AGL: variants seen among roughly 807,000 people sequenced by gnomAD.
The protein encoded by AGL is amylo-alpha-1,6-glucosidase and 4-alpha-glucanotransferase.
AGL carries 128 observed loss-of-function variants against 199.3 expected under a neutral mutation model. The ratio of observed to expected loss-of-function variants is 0.64; its 90% CI spans 0.56 to 0.74. AGL has a LOEUF of 0.74. AGL is among the 30% of genes least tolerant of loss of function. The probability of loss-of-function intolerance (pLI) is 0.00; values close to 1 mark genes in which losing one functional copy is unlikely to be tolerated. For missense variants in AGL, 1,809 were observed against 1,820.8 expected (o/e 0.99, Z 0.12); for synonymous variants, 584 against 594.7 (o/e 0.98, Z 0.26).
rs186966939 is a variant in AGL, at chr1:99,881,294, T to C, written c.2004T>C (p.Ile668=). The change falls in exon 16 of 34, where the codon ATT becomes ATC. Residue 668 remains isoleucine, a splice_region_variant and synonymous_variant. Coordinates refer to ENST00000361915, the MANE Select transcript of AGL (RefSeq NM_000642.3). ...TGCTAAATTTTACCTTTGTCCAGAT[T>C]TCAGTGGTTTCTGAAGAACGGTTTT... ...RGYDELVPHQ[I]SVVSEERFYT... 1 of 1,614,104 alleles carries C rather than the reference T, an allele frequency of 6.2e-7. No individual in the cohort carries two copies. The highest frequency in any genetic ancestry group is 8.5e-7 in the Non-Finnish European group (1 of 1,179,992).
chr1:99,895,902 G>A lies in AGL; in HGVS notation c.3260-384G>A, dbSNP rs1394585943. 2.0e-5 allele frequency among the ~76,000 whole-genome samples: 3 copies of A among 152,316 alleles called. No individual in the cohort carries two copies. The East Asian group carries it at 5.8e-4, about 29-fold the overall frequency. On this transcript the variant is annotated intron_variant, in intron 24 of 33. Transcript: ENST00000361915. ...GAGGTGGGAGGATGGCTTGAGCCTGGGAGGTGGAGGTTACAGTGACGCAAG... is the reference window on the plus strand; with the variant it reads ...GAGGTGGGAGGATGGCTTGAGCCTGAGAGGTGGAGGTTACAGTGACGCAAG...
At chr1:99,912,255 A>G in intron 28 of AGL, 150 bp from the exon 29 acceptor site, 2 of 590,668 alleles carry the variant, frequency 3.4e-6, no homozygotes, top group South Asian at 2.8e-5. Flanking sequence ...AAATCTTTAC[A>G]TGATATAGTA....
intron 2 of AGL, among the ~76,000 whole-genome samples, chr1:99,855,217 GAA>G (rs1365127659): frequency 2.6e-5 from 4 of 151,726 alleles, no homozygotes; most frequent in Non-Finnish European, 4.4e-5. Context: ...AAAGAAAAAA[GAA>G]AAAGAGAGGA....
At chr1:99,895,170 A>G (rs1289187088) in intron 24 of AGL, among the ~76,000 whole-genome samples, 1 of 151,876 alleles carries the variant, frequency 6.6e-6, no homozygotes, top group Non-Finnish European at 1.5e-5. Flanking sequence ...TGCCTCAGCC[A>G]CCCAAGCAGC....
rs1364651777 is a variant in AGL at position 99,923,516 on chromosome 1, A to C, written c.*1865A>C. ...GTAAGGCAGATACCCACGTTGGTAA[A>C]TTTTTAGGATATTGTGTTGCACTAG... On this transcript the variant is annotated 3_prime_UTR_variant, in exon 34 of 34. Coordinates refer to ENST00000361915, the MANE Select transcript of AGL (RefSeq NM_000642.3). 6.6e-6 allele frequency: 1 copy of C among 152,140 alleles called. No homozygotes were observed. Among genetic ancestry groups the C allele is most frequent in the Non-Finnish European group, 1.5e-5 (1 of 68,020 alleles). 9.4% of individuals were successfully genotyped at this position (152,140 alleles called of 1,614,324 possible).
chr1:99,871,591 A>G (rs1202066699), intron 7 of AGL, among the ~76,000 whole-genome samples: 1 of 152,182 alleles, frequency 6.6e-6, no homozygotes, highest in Non-Finnish European at 1.5e-5. Context: ...AAACAGAACT[A>G]GAGTAGGACT....
At chr1:99,917,292 AT>A (rs1655195970) in intron 33 of AGL, among the ~76,000 whole-genome samples, 1 of 152,144 alleles carries the variant, frequency 6.6e-6, no homozygotes, top group Admixed American at 6.5e-5. Context: ...TCTATATTCT[AT>A]TCCTCAGATA....
At chr1:99,873,582 G>A (rs555530123) in intron 7 of AGL, among the ~76,000 whole-genome samples, 8 of 152,098 alleles carry the variant, frequency 5.3e-5, no homozygotes, top group Non-Finnish European at 1.2e-4. Context: ...TTACAGGCAT[G>A]TGCCACCACA....
Position 99,877,732 on chromosome 1 carries a change from C to G in AGL, c.1515C>G (p.Leu505=). The change falls in exon 12 of 34, where the codon CTC becomes CTG. Residue 505 remains leucine (L), a synonymous_variant. Transcript: ENST00000361915. ...YGNKPEDCPY[L]WAHMKKYTEI... The stretch of plus-strand genomic sequence containing the variant: ...ATAAACCAGAGGACTGTCCTTATCT[C>G]TGGGCACACATGAAAAAATACACTG... 1.9e-6 allele frequency: 3 copies of G among 1,614,048 alleles called. No homozygotes were observed. Among genetic ancestry groups the G allele is most frequent in the Non-Finnish European group, 2.5e-6 (3 of 1,179,952 alleles).
At chr1:99,902,005 A>G (rs1464346878) in intron 26 of AGL, among the ~76,000 whole-genome samples, 2 of 152,120 alleles carry the variant, frequency 1.3e-5, no homozygotes, top group Admixed American at 6.5e-5. Flanking sequence ...CAGCATTATA[A>G]TTTTTATAAT....
chr1:99,853,900 A>T (rs913277667), intron 2 of AGL, among the ~76,000 whole-genome samples: 6 of 148,416 alleles, frequency 4.0e-5, no homozygotes, highest in Non-Finnish European at 9.0e-5. Flanking sequence ...TAAAAAACAA[A>T]AATAAAGGGC....
chr1:99,916,617 G>A lies in AGL; in HGVS notation c.4367G>A (p.Gly1456Glu), dbSNP rs1164317039. The change falls in exon 33 of 34, where the codon GGG (glycine) becomes GAG (glutamate). Residue 1456 changes from glycine (G) to glutamate (E), a missense_variant. Coordinates refer to ENST00000361915, the MANE Select transcript of AGL (RefSeq NM_000642.3). ...TTTTAGGAGTGGCTGTGGCCTATTG[G>A]GTATTTTCTTCGTGCAAAATTATAT... ...HQGPEWLWPIGYFLRAKLYFS... is the reference protein window; with the variant it reads ...HQGPEWLWPIEYFLRAKLYFS... 5 of 1,612,934 alleles carry A rather than the reference G, an allele frequency of 3.1e-6. No individual in the cohort carries two copies. The highest frequency in any genetic ancestry group is 4.2e-6 in the Non-Finnish European group (5 of 1,179,544).
At chr1:99,899,613 C>CTTTCTTTCT (rs1243657960) in intron 25 of AGL, among the ~76,000 whole-genome samples, 16 of 128,272 alleles carry the variant, frequency 1.2e-4, no homozygotes, top group Non-Finnish European at 2.1e-4. Flanking sequence ...TTCTTTCCTT[C>CTTTCTTTCT]TTTCTTTCTT....
At position 99,916,477 on chromosome 1, in the gene AGL, T is replaced by C. The variant is rs760127227; in HGVS notation, c.4327T>C (p.Phe1443Leu). 1 of 1,612,200 alleles carries C rather than the reference T, an allele frequency of 6.2e-7. No individual in the cohort carries two copies. The highest frequency in any genetic ancestry group is 2.2e-5 in the East Asian group (1 of 44,762). ...DNDNYNLAKG[F>L]NYHQGPEWLW... ...TGACAACTACAATCTTGCTAAAGGT[T>C]TCAATTATCACCAAGGACCTGTAAG... Residue 1443 changes from phenylalanine (F) to leucine (L), a missense_variant, in exon 32 of 34, where the codon TTC becomes CTC. By Grantham distance (22) the Phe-to-Leu change is conservative. Coordinates refer to ENST00000361915, the MANE Select transcript of AGL (RefSeq NM_000642.3).
intron 28 of AGL, among the ~76,000 whole-genome samples, chr1:99,911,666 T>G (rs1227322156): frequency 1.3e-5 from 2 of 152,146 alleles, no homozygotes; most frequent in Non-Finnish European, 2.9e-5. Context: ...TGATCTCAAA[T>G]TTTTGGCCTT....
chr1:99,921,628 C>T lies in AGL; in HGVS notation c.4576C>T (p.Leu1526Phe), dbSNP rs1202536791. The change falls in exon 34 of 34, where the codon CTT (leucine) becomes TTT (phenylalanine). Residue 1526 changes from leucine to phenylalanine, a missense_variant. Transcript: ENST00000361915. ...ACAAGCCTGGTCAATTGCTACTATT[C>T]TTGAGACACTTTATGATTTATAGTT... ...ETQAWSIATI[L>F]ETLYDL 1.2e-6 allele frequency: 2 copies of T among 1,608,724 alleles called. No individual in the cohort carries two copies. Among genetic ancestry groups the T allele is most frequent in the African/African-American group, 2.7e-5 (2 of 74,882 alleles).
intron 27 of AGL, among the ~76,000 whole-genome samples, chr1:99,908,286 A>C (rs1465638959): frequency 6.6e-6 from 1 of 151,756 alleles, no homozygotes; most frequent in Non-Finnish European, 1.5e-5. Context: ...TCCCTTCCCC[A>C]ATGAATGGTC....
intron 26 of AGL, among the ~76,000 whole-genome samples, chr1:99,901,096 T>C (rs1653800899): frequency 6.6e-6 from 1 of 151,800 alleles, no homozygotes; most frequent in Non-Finnish European, 1.5e-5. Context: ...TGCAATAGAT[T>C]GTAGAGGAAG....
rs374522560 is a variant in AGL at position 99,892,654 on chromosome 1, G to A, written c.3259+47G>A. ...TAAAATATGTAAATCGATAGTATTC[G>A]CGGAAGAAAAGTTATAGGAAAATGA... On this transcript the variant is annotated intron_variant, in intron 24 of 33. Coordinates refer to ENST00000361915, the MANE Select transcript of AGL (RefSeq NM_000642.3). 354 of 1,567,716 alleles carry A rather than the reference G, an allele frequency of 2.3e-4. 2 individuals are homozygous for A. The highest frequency in any genetic ancestry group is 2.0e-4 in the Admixed American group (12 of 59,474).
Sources: allele counts gnomAD v4.1 joint callset (sites outside exome capture counted in the v4.1 genomes callset), GRCh38; gene constraint gnomAD v4.1.1; transcripts MANE v1.5; gene names NCBI Gene and HGNC (gene_info 2026-07-23, HGNC 2026-07-21).